Variants in TPO observed in about 807,000 individuals in gnomAD.
The protein encoded by TPO is thyroid peroxidase.
TPO carries 78 observed loss-of-function variants against 96.9 expected under a neutral mutation model. That is an observed-to-expected ratio of 0.81 (90% CI 0.67 to 0.97). TPO has a LOEUF of 0.97. TPO is among the 50% of genes least tolerant of loss of function. TPO has a pLI of 0.00. For synonymous variants in TPO, 547 were observed against 538.0 expected (o/e 1.02, Z -0.23); for missense variants, 1,252 against 1,274.8 (o/e 0.98, Z 0.27).
chr2:1,442,994 C>T (rs1231909005), intron 5 of TPO, among the ~76,000 whole-genome samples: 9 of 152,314 alleles, frequency 5.9e-5, no homozygotes, highest in Admixed American at 3.3e-4. Context: ...ACAGCACTTT[C>T]GGAGGCTGAG....
intron 1 of TPO, among the ~76,000 whole-genome samples, chr2:1,387,769 T>C (rs988251638): frequency 6.6e-6 from 1 of 152,244 alleles, no homozygotes; most frequent in Non-Finnish European, 1.5e-5. Flanking sequence ...TGCGTTCCTT[T>C]GGAGGAGGAG....
At position 1,489,918 on chromosome 2, in the gene TPO, G is replaced by C. The variant is rs185189450; in HGVS notation, c.1768+1927G>C. On this transcript the variant is annotated intron_variant, in intron 10 of 16. Transcript: ENST00000329066. ...GGGGACGCAAACACGAGAGTGCTTG[G>C]TGTGAGCACACAGGAGGAGTCACGA... Among the ~76,000 whole-genome samples, 32 of 152,242 alleles carry C rather than the reference G, an allele frequency of 2.1e-4. No individual in the cohort carries two copies. In the East Asian group the frequency reaches 6.2e-3, roughly 29 times the overall value.
At chr2:1,476,928 G>T (rs537200332) in intron 7 of TPO, among the ~76,000 whole-genome samples, 158 bp from the exon 8 acceptor site, 2 of 152,072 alleles carry the variant, frequency 1.3e-5, no homozygotes, top group African/African-American at 2.4e-5. Context: ...GCAGGCCGGG[G>T]GGGGAGGTGA....
intron 11 of TPO, among the ~76,000 whole-genome samples, chr2:1,495,134 C>T (rs1479431330): frequency 6.6e-6 from 1 of 152,208 alleles, no homozygotes; most frequent in East Asian, 1.9e-4. Context: ...AGGCAGCTGG[C>T]AGGTTCCTAG....
intron 1 of TPO, among the ~76,000 whole-genome samples, chr2:1,396,482 G>A (rs1326850668): frequency 6.6e-6 from 1 of 152,218 alleles, no homozygotes; most frequent in East Asian, 1.9e-4. Flanking sequence ...AAATCTGACA[G>A]TGCTCGAATA....
chr2:1,413,728 G>A (rs1662591134), intron 1 of TPO, 183 bp downstream of exon 1: 1 of 985,236 alleles, frequency 1.0e-6, no homozygotes, highest in Non-Finnish European at 1.2e-6. Flanking sequence ...GAACATGTGA[G>A]TCCTGTAGGG....
chr2:1,386,159 C>T (rs1006271885), intron 1 of TPO, among the ~76,000 whole-genome samples: 10 of 151,966 alleles, frequency 6.6e-5, no homozygotes, highest in African/African-American at 2.2e-4. Flanking sequence ...GGAATAGGTG[C>T]GGGTGTGGTG....
intron 1 of TPO, among the ~76,000 whole-genome samples, chr2:1,377,866 G>C (rs1661746202): frequency 1.3e-5 from 2 of 152,188 alleles, no homozygotes; most frequent in Non-Finnish European, 1.5e-5. Flanking sequence ...AGCTTGAGTG[G>C]TTGCCTGACA....
At chr2:1,526,399 AC>A (rs1350599717) in intron 15 of TPO, among the ~76,000 whole-genome samples, 1 of 51,506 alleles carries the variant, frequency 1.9e-5, no homozygotes, top group Non-Finnish European at 3.4e-5. Context: ...AATGTGAGCA[AC>A]CCCCCCAAAT....
At chr2:1,487,662 G>T (rs935968695) in intron 9 of TPO, among the ~76,000 whole-genome samples, 159 bp from the exon 10 acceptor site, 4 of 152,154 alleles carry the variant, frequency 2.6e-5, no homozygotes, top group African/African-American at 9.7e-5. Flanking sequence ...GCGTGAACCC[G>T]GGAGGCAGAG....
At chr2:1,406,988 T>A (rs186067019) in intron 1 of TPO, among the ~76,000 whole-genome samples, 15 of 152,298 alleles carry the variant, frequency 9.8e-5, no homozygotes, top group Admixed American at 7.8e-4. Context: ...TTTATTTTGC[T>A]GCAGGTGGAG....
intron 8 of TPO, 90 bp from the exon 9 acceptor site, chr2:1,484,506 G>C: frequency 6.4e-7 from 1 of 1,564,220 alleles, no homozygotes; most frequent in Non-Finnish European, 8.8e-7. Context: ...CCCTGGGGCT[G>C]TCAAGGAAGA....
At chr2:1,379,150 T>C (rs1661767294) in intron 1 of TPO, among the ~76,000 whole-genome samples, 1 of 151,954 alleles carries the variant, frequency 6.6e-6, no homozygotes, top group Non-Finnish European at 1.5e-5. Flanking sequence ...ACTCAAAATA[T>C]AAAAATTAGC....
Position 1,470,625 on chromosome 2 carries a change from G to A in TPO, c.820-6461G>A, listed in dbSNP as rs1669311797. Among the ~76,000 whole-genome samples, 3 of 151,770 alleles carry A rather than the reference G, an allele frequency of 2.0e-5. No individual in the cohort carries two copies. The South Asian group carries it at 6.2e-4, about 32-fold the overall frequency. On this transcript the variant is annotated intron_variant, in intron 7 of 16. Transcript: ENST00000329066. The stretch of plus-strand genomic sequence containing the variant: ...TTGTTTTATTCTGACTCTATTTTGT[G>A]TAGATAAAATACTGCTTTAGTGAGT...
Position 1,415,796 on chromosome 2 carries a change from C to T in TPO, c.94+1294C>T, listed in dbSNP as rs370926351. On this transcript the variant is annotated intron_variant, in intron 2 of 16. Transcript: ENST00000329066. ...TCAGGGTCACAGAATCTGGAGTCCT[C>T]GCTGTTCCCAGCCACACCCAGCCCA... 5.3e-5 allele frequency among the ~76,000 whole-genome samples: 8 copies of T among 152,314 alleles called. No homozygotes were observed. The East Asian group carries it at 7.7e-4, about 15-fold the overall frequency.
At chr2:1,505,229 G>A (rs1389503921) in intron 14 of TPO, among the ~76,000 whole-genome samples, 1 of 151,432 alleles carries the variant, frequency 6.6e-6, no homozygotes, top group African/African-American at 2.4e-5. Context: ...CCACTCCTGT[G>A]TCAGGCATAC....
Position 1,439,978 on chromosome 2 carries a change from T to A in TPO, c.482+3594T>A, listed in dbSNP as rs186250636. 2.9e-3 allele frequency among the ~76,000 whole-genome samples: 440 copies of A among 152,266 alleles called. 3 individuals are homozygous for A. Among genetic ancestry groups the A allele is most frequent in the East Asian group, 5.4e-3 (28 of 5,168 alleles). Reference sequence around the variant, plus strand: ...TCCCCACACCCACTAAATTGCTAAGTTCCCCCCCAGCGGTCTCCTAAGCCG... The same window carrying A: ...TCCCCACACCCACTAAATTGCTAAGATCCCCCCCAGCGGTCTCCTAAGCCG... On this transcript the variant is annotated intron_variant, in intron 5 of 16. Transcript: ENST00000329066.
At chr2:1,384,029 G>C (rs185559981) in intron 1 of TPO, among the ~76,000 whole-genome samples, 1 of 152,274 alleles carries the variant, frequency 6.6e-6, no homozygotes, top group East Asian at 1.9e-4. Context: ...GATAGTTGTA[G>C]ATGTGTGGCA....
chr2:1,422,612 C>G (rs1663879395), intron 2 of TPO, among the ~76,000 whole-genome samples: 1 of 152,030 alleles, frequency 6.6e-6, no homozygotes, highest in Non-Finnish European at 1.5e-5. Flanking sequence ...CTTACACATT[C>G]CAGGTGCTAA....
Sources: allele counts gnomAD v4.1 joint callset (sites outside exome capture counted in the v4.1 genomes callset), GRCh38; gene constraint gnomAD v4.1.1; transcripts MANE v1.5; gene names NCBI Gene and HGNC (gene_info 2026-07-23, HGNC 2026-07-21).